The following ZNF497 variants were observed in gnomAD, a reference collection of about 807,000 sequenced individuals.
The protein encoded by ZNF497 is zinc finger-like protein.
For missense variants in ZNF497, 930 were observed against 714.0 expected, an observed-to-expected ratio of 1.30 and a Z score of -3.45; for synonymous variants, 422 against 313.7, an observed-to-expected ratio of 1.35 and a Z score of -3.65.
chr19:58,356,290 TTGC>T lies in ZNF497; in HGVS notation c.1343_1345del (p.Ser448del). The stretch of plus-strand genomic sequence containing the variant: ...GAGCTCCGACTTGCGCACGAAGGCC[TTGC>T]TGCAGTGGGCGCAGACGAACGGCCT... On this transcript the variant is annotated inframe_deletion, in exon 3 of 3. Transcript: ENST00000311044. 6.3e-7 allele frequency: 1 copy of T among 1,594,888 alleles called. No individual in the cohort carries two copies. The highest frequency in any genetic ancestry group is 8.5e-7 in the Non-Finnish European group (1 of 1,171,974).
At chr19:58,358,268 G>T in intron 2 of ZNF497, 1 of 1,289,800 alleles carries the variant, frequency 7.8e-7, no homozygotes, top group South Asian at 1.2e-5. Flanking sequence ...GGCATGGGGT[G>T]GCTGTGCAGC....
chr19:58,357,676 C>A, intron 2 of ZNF497, 27 bp from the exon 3 acceptor site: 1 of 1,504,378 alleles, frequency 6.6e-7, no homozygotes, highest in Non-Finnish European at 8.9e-7. Context: ...AAGGCAAGTA[C>A]CTTAGAGAAT....
At chr19:58,359,102 C>T (rs758976772) in intron 1 of ZNF497, 182 of 996,468 alleles carry the variant, frequency 1.8e-4, no homozygotes, top group South Asian at 1.8e-3. Context: ...ACACAGCTCA[C>T]GCAGCTGAGC....
Position 58,355,579 on chromosome 19 carries a change from T to G in ZNF497, c.*560A>C, listed in dbSNP as rs1394494004. ...TGAGATTCTGAGATTGATCTGGTTC[T>G]GACCTCGGTCAGGAATGCAGTGCTG... On this transcript the variant is annotated 3_prime_UTR_variant, in exon 3 of 3. Transcript: ENST00000311044. The G allele has an allele frequency of 1.3e-5, 2 of 152,496 alleles. No homozygotes were observed. The highest frequency in any genetic ancestry group is 3.8e-4 in the East Asian group (2 of 5,196). The allele number at this position is 152,496 out of a possible 1,614,324, so 9.4% of individuals were successfully genotyped here.
At chr19:58,357,871 G>T in intron 2 of ZNF497, 1 of 1,345,738 alleles carries the variant, frequency 7.4e-7, no homozygotes, top group Non-Finnish European at 9.7e-7. Flanking sequence ...AGGGCCACGT[G>T]CACATCCCCA....
intron 1 of ZNF497, among the ~76,000 whole-genome samples, chr19:58,361,925 G>C (rs151007163): frequency 2.0e-3 from 306 of 152,276 alleles, no homozygotes; most frequent in African/African-American, 6.8e-3. Context: ...GCCCCCAGCC[G>C]CATCTATCAG....
intron 1 of ZNF497, chr19:58,358,991 T>C (rs2052060879): frequency 2.1e-6 from 1 of 477,912 alleles, no homozygotes; most frequent in African/African-American, 2.0e-5. Context: ...CTCCTGCGTG[T>C]AGGCCTGGAT....
chr19:58,358,112 T>A, intron 2 of ZNF497: 1 of 1,267,642 alleles, frequency 7.9e-7, no homozygotes, highest in Non-Finnish European at 1.0e-6. Context: ...CAGCTATGTC[T>A]GCCTCACCCA....
chr19:58,358,782 A>G (rs1432259341), intron 1 of ZNF497, 197 bp from the exon 2 acceptor site: 3 of 458,342 alleles, frequency 6.5e-6, no homozygotes, highest in Admixed American at 4.7e-5. Flanking sequence ...ACCTGTCACC[A>G]TCACTTTCCC....
intron 1 of ZNF497, among the ~76,000 whole-genome samples, chr19:58,361,082 G>A (rs964881222): frequency 1.3e-4 from 20 of 151,694 alleles, no homozygotes; most frequent in African/African-American, 4.6e-4. Flanking sequence ...GCACCCGGCC[G>A]GTGGGCCGGT....
In ZNF497 at chr19:58,356,265, G is replaced by C; in HGVS notation, c.1371C>G (p.Leu457=). 1 of 1,579,954 alleles carries C rather than the reference G, an allele frequency of 6.3e-7. No individual in the cohort carries two copies. The highest frequency in any genetic ancestry group is 8.6e-7 in the Non-Finnish European group (1 of 1,165,292). ...CCGTGTGCGTGCGCCGGTGGCTTAA[G>C]AGCTCCGACTTGCGCACGAAGGCCT... is the stretch of plus-strand genomic sequence containing the variant. ...CSKAFVRKSE[L]LSHRRTHTGE... is the part of the protein sequence containing the mutation. Residue 457 remains leucine (L), a synonymous_variant, in exon 3 of 3, where the codon CTC becomes CTG. Transcript: ENST00000311044.
Position 58,355,560 on chromosome 19 carries a change from T to A in ZNF497, c.*579A>T, listed in dbSNP as rs1037641270. The A allele has an allele frequency of 1.3e-5, 2 of 152,290 alleles. No homozygotes were observed. The highest frequency in any genetic ancestry group is 4.8e-5 in the African/African-American group (2 of 41,426). The allele number at this position is 152,290 out of a possible 1,614,324, so 9.4% of individuals were successfully genotyped here. On this transcript the variant is annotated 3_prime_UTR_variant, in exon 3 of 3. Coordinates refer to ENST00000311044, the MANE Select transcript of ZNF497 (RefSeq NM_198458.3). ...TGAAACAGACCTACACAGGTGAGAT[T>A]CTGAGATTGATCTGGTTCTGACCTC...
rs1376666160 is a variant in ZNF497 at position 58,356,083 on chromosome 19, G to T, written c.*56C>A. On this transcript the variant is annotated 3_prime_UTR_variant, in exon 3 of 3. Coordinates refer to ENST00000311044, the MANE Select transcript of ZNF497 (RefSeq NM_198458.3). ...CTGGGCCAGCAGACAGCGCACTCACGCCCGAGACCCCGCAATGCCGTGTGT... is the reference window on the plus strand; with the variant it reads ...CTGGGCCAGCAGACAGCGCACTCACTCCCGAGACCCCGCAATGCCGTGTGT... 2.0e-6 allele frequency: 3 copies of T among 1,469,432 alleles called. No individual in the cohort carries two copies. The highest frequency in any genetic ancestry group is 1.4e-5 in the African/African-American group (1 of 70,496). The allele number at this position is 1,469,432 out of a possible 1,614,324, so 91.0% of individuals were successfully genotyped here.
rs61732982 is a variant in ZNF497 at position 58,357,153 on chromosome 19, G to T, written c.483C>A (p.Pro161=). The change falls in exon 3 of 3, where the codon CCC becomes CCA. Residue 161 remains proline, a synonymous_variant. Coordinates refer to ENST00000311044, the MANE Select transcript of ZNF497 (RefSeq NM_198458.3). ...QHQRIHSGEK[P]YACRECGKAF... ...CCTTGCCGCACTCCCTGCAAGCGTA[G>T]GGCTTCTCGCCGCTGTGGATGCGCT... The T allele has an allele frequency of 1.2e-6, 2 of 1,612,514 alleles. No individual in the cohort carries two copies. Among genetic ancestry groups the T allele is most frequent in the Non-Finnish European group, 1.7e-6 (2 of 1,179,354 alleles).
In ZNF497 at chr19:58,356,995, C is replaced by A. The variant is rs755559893; in HGVS notation, c.641G>T (p.Gly214Val). The change falls in exon 3 of 3, where the codon GGC becomes GTC. Residue 214 changes from glycine (G) to valine (V), a missense_variant. Coordinates refer to ENST00000311044, the MANE Select transcript of ZNF497 (RefSeq NM_198458.3). ...CTCCGGGCACTCGTAGGGCTTCTCG[C>A]CCGTGTGCGTGCGTCGGTGCTGCAC... The part of the protein sequence containing the change: ...TLVQHRRTHT[G>V]EKPYECPECG... 39 of 1,609,410 alleles carry A rather than the reference C, an allele frequency of 2.4e-5. No homozygotes were observed. The highest frequency in any genetic ancestry group is 3.1e-5 in the Non-Finnish European group (37 of 1,178,932).
chr19:58,357,150 G>A lies in ZNF497; in HGVS notation c.486C>T (p.Tyr162=), dbSNP rs1456493385. ...AGGCCTTGCCGCACTCCCTGCAAGC[G>A]TAGGGCTTCTCGCCGCTGTGGATGC... The part of the protein sequence containing the change: ...HQRIHSGEKP[Y]ACRECGKAFR... The change falls in exon 3 of 3, where the codon TAC becomes TAT. Residue 162 remains tyrosine (Y), a synonymous_variant. Coordinates refer to ENST00000311044, the MANE Select transcript of ZNF497 (RefSeq NM_198458.3). The A allele has an allele frequency of 6.2e-7, 1 of 1,602,830 alleles. No individual in the cohort carries two copies. The highest frequency in any genetic ancestry group is 1.1e-5 in the South Asian group (1 of 90,160).
In ZNF497 at chr19:58,356,364, G is replaced by A. The variant is rs200171818; in HGVS notation, c.1272C>T (p.Arg424=). Residue 424 remains arginine (R), a synonymous_variant, in exon 3 of 3, where the codon CGC becomes CGT. Transcript: ENST00000311044. ...FACAECGKAF[R]GSSELRQHQR... ...GGTGCTGGCGCAGCTCGGAGCTGCCGCGGAAGGCCTTGCCGCATTCTGCGC... is the reference window on the plus strand; with the variant it reads ...GGTGCTGGCGCAGCTCGGAGCTGCCACGGAAGGCCTTGCCGCATTCTGCGC... The A allele has an allele frequency of 3.3e-5, 52 of 1,565,846 alleles. No individual in the cohort carries two copies. Among genetic ancestry groups the A allele is most frequent in the Admixed American group, 2.1e-4 (11 of 53,454 alleles).
At chr19:58,361,490 G>C (rs1274310509) in intron 1 of ZNF497, among the ~76,000 whole-genome samples, 1 of 152,098 alleles carries the variant, frequency 6.6e-6, no homozygotes. Context: ...CCGAGTAGCT[G>C]GGATTACAGG....
In ZNF497 at chr19:58,356,133, C is replaced by A. The variant is rs927877876; in HGVS notation, c.*6G>T. The stretch of plus-strand genomic sequence containing the variant: ...TCCGCGACCTCCCGCTCAGGGCGTC[C>A]TCGGGTCAGGGCGCAGCGCGGCCCC... On this transcript the variant is annotated 3_prime_UTR_variant, in exon 3 of 3. Coordinates refer to ENST00000311044, the MANE Select transcript of ZNF497 (RefSeq NM_198458.3). 1.3e-6 allele frequency: 2 copies of A among 1,532,604 alleles called. No homozygotes were observed. The highest frequency in any genetic ancestry group is 2.8e-5 in the African/African-American group (2 of 72,400). The allele number at this position is 1,532,604 out of a possible 1,614,324, so 94.9% of individuals were successfully genotyped here.
Sources: allele counts gnomAD v4.1 joint callset (sites outside exome capture counted in the v4.1 genomes callset), GRCh38; gene constraint gnomAD v4.1.1; transcripts MANE v1.5; gene names NCBI Gene and HGNC (gene_info 2026-07-23, HGNC 2026-07-21).